Variants in TOX observed in about 807,000 individuals in gnomAD.
TOX encodes the protein thymocyte selection associated high mobility group box, also known as thymocyte selection-associated high mobility group box protein TOX.
A neutral mutation model predicts 53.7 loss-of-function variants in TOX; 11 were observed. The observed-to-expected ratio is 0.20, with a 90% CI of 0.13 to 0.34. The LOEUF (loss-of-function observed/expected upper bound fraction) is 0.34. Ranked by LOEUF, TOX falls within the 10% of genes least tolerant of loss-of-function variation. The pLI, the probability that TOX is intolerant of heterozygous loss-of-function variation, is 1.00. For synonymous variants in TOX, 225 were observed against 245.3 expected, an observed-to-expected ratio of 0.92 and a Z score of 0.77; for missense variants, 570 against 664.6, an observed-to-expected ratio of 0.86 and a Z score of 1.56.
At chr8:58,926,516 C>A (rs1258519834) in intron 3 of TOX, among the ~76,000 whole-genome samples, 3 of 152,138 alleles carry the variant, frequency 2.0e-5, no homozygotes, top group Non-Finnish European at 4.4e-5. Flanking sequence ...ATAGAATATG[C>A]AGTTTTGAGA....
intron 1 of TOX, among the ~76,000 whole-genome samples, chr8:58,994,109 C>G (rs775010275): frequency 6.6e-6 from 1 of 152,146 alleles, no homozygotes; most frequent in Admixed American, 6.5e-5. Context: ...TGGAAATAGC[C>G]TTCTTTCTTT....
intron 8 of TOX, 24 bp downstream of exon 8, chr8:58,808,094 A>G: frequency 6.2e-7 from 1 of 1,600,990 alleles, no homozygotes; most frequent in Non-Finnish European, 8.5e-7. Context: ...GTCCACCACC[A>G]GGTGGCGATG....
chr8:58,998,534 T>TAAA (rs1450253677), intron 1 of TOX, among the ~76,000 whole-genome samples: 4 of 18,352 alleles, frequency 2.2e-4, no homozygotes, highest in Non-Finnish European at 3.5e-4. Flanking sequence ...TATATATATA[T>TAAA]ATATAAATTT....
chr8:58,945,101 C>A (rs180695434), intron 2 of TOX, among the ~76,000 whole-genome samples: 37 of 152,316 alleles, frequency 2.4e-4, no homozygotes, highest in Admixed American at 3.9e-4. Context: ...AGAGGCCCAA[C>A]AACTTTGCTC....
chr8:59,091,020 T>C (rs1804598890), intron 1 of TOX, among the ~76,000 whole-genome samples: 1 of 152,166 alleles, frequency 6.6e-6, no homozygotes, highest in Non-Finnish European at 1.5e-5. Context: ...TCCAGCGGCG[T>C]TGTCCTCTCA....
At chr8:58,879,118 G>A (rs1811339559) in intron 3 of TOX, among the ~76,000 whole-genome samples, 1 of 151,374 alleles carries the variant, frequency 6.6e-6, no homozygotes, top group Non-Finnish European at 1.5e-5. Context: ...TTGAATAAGG[G>A]CAACAGAAGG....
At chr8:59,017,632 T>A (rs752718553) in intron 1 of TOX, among the ~76,000 whole-genome samples, 1 of 152,206 alleles carries the variant, frequency 6.6e-6, no homozygotes, top group Non-Finnish European at 1.5e-5. Context: ...GTAAAAGGAA[T>A]AAACAAGAAC....
intron 5 of TOX, among the ~76,000 whole-genome samples, chr8:58,834,307 C>T (rs773943843): frequency 6.6e-6 from 1 of 152,104 alleles, no homozygotes; most frequent in Non-Finnish European, 1.5e-5. Context: ...AAATCTTAGC[C>T]TTCCACCGGA....
At chr8:58,906,983 G>A (rs531498257) in intron 3 of TOX, among the ~76,000 whole-genome samples, 7 of 152,332 alleles carry the variant, frequency 4.6e-5, no homozygotes, top group Non-Finnish European at 1.0e-4. Flanking sequence ...AGCACTGAAA[G>A]TCTAAATCTC....
chr8:58,826,723 G>T, intron 6 of TOX, 99 bp downstream of exon 6: 2 of 993,852 alleles, frequency 2.0e-6, no homozygotes, highest in Non-Finnish European at 2.9e-6. Flanking sequence ...AGAAGATTGT[G>T]CAGAATCGTT....
At chr8:59,014,846 T>C (rs775471251) in intron 1 of TOX, among the ~76,000 whole-genome samples, 1 of 152,204 alleles carries the variant, frequency 6.6e-6, no homozygotes, top group Admixed American at 6.5e-5. Flanking sequence ...AAATTAGTAA[T>C]ACTATGGTTA....
At chr8:58,835,920 A>C (rs1180224755) in intron 5 of TOX, among the ~76,000 whole-genome samples, 1 of 152,194 alleles carries the variant, frequency 6.6e-6, no homozygotes, top group Non-Finnish European at 1.5e-5. Flanking sequence ...TCAGTCACTA[A>C]GTCTTAGGTA....
Position 59,026,854 on chromosome 8 carries a change from C to A in TOX, c.103-66846G>T, listed in dbSNP as rs142130003. On this transcript the variant is annotated intron_variant, in intron 1 of 8. Coordinates refer to ENST00000361421, the MANE Select transcript of TOX (RefSeq NM_014729.3). ...GCAAAATTTTCATAAGAGCATGAGA[C>A]AATTTAATACATTTATAGAATTCTT... is the stretch of plus-strand genomic sequence containing the variant. Among the ~76,000 whole-genome samples, 772 of 129,452 alleles carry A rather than the reference C, an allele frequency of 6.0e-3. 9 individuals are homozygous for A. Among genetic ancestry groups the A allele is most frequent in the African/African-American group, 0.021 (726 of 34,210 alleles). The allele number at this position is 129,452 out of a possible 152,430, so 84.9% of individuals were successfully genotyped here. A position where few individuals can be genotyped will look rare whatever the true frequency, so the allele number is the denominator to read the frequency against.
chr8:58,824,413 T>C (rs1474908844), intron 6 of TOX, among the ~76,000 whole-genome samples: 2 of 152,202 alleles, frequency 1.3e-5, no homozygotes, highest in African/African-American at 4.8e-5. Flanking sequence ...CCTTCAGGAT[T>C]GGGCTCCTGC....
Position 59,118,102 on chromosome 8 carries a change from C to T in TOX, c.102+784G>A, listed in dbSNP as rs557448478. 2.0e-4 allele frequency among the ~76,000 whole-genome samples: 31 copies of T among 152,346 alleles called. 1 individual carries two copies. Among genetic ancestry groups the T allele is most frequent in the African/African-American group, 7.5e-4 (31 of 41,586 alleles). ...CATGATCCGCCTCTCCCCGGGCCCC[C>T]GCGGCCCTGGCACCCGAGGTCAGCG... On this transcript the variant is annotated intron_variant, in intron 1 of 8. Transcript: ENST00000361421. This position sits in a 1 kb window ranked among gnomAD's most constrained non-coding sequence, Gnocchi z 4.1.
At chr8:58,850,759 A>C (rs909819614) in intron 4 of TOX, among the ~76,000 whole-genome samples, 2 of 152,258 alleles carry the variant, frequency 1.3e-5, no homozygotes, top group African/African-American at 4.8e-5. Context: ...AGGCTAAATA[A>C]ATCGATGAAT....
intron 3 of TOX, among the ~76,000 whole-genome samples, chr8:58,938,724 TGGGAATTCATA>T (rs1342454356): frequency 6.6e-6 from 1 of 152,220 alleles, no homozygotes; most frequent in Admixed American, 6.5e-5. Context: ...GAAAAATTAA[TGGGAATTCATA>T]GTGTTGTCAT....
chr8:59,100,542 T>C (rs573739203), intron 1 of TOX, among the ~76,000 whole-genome samples: 21 of 152,214 alleles, frequency 1.4e-4, no homozygotes, highest in Non-Finnish European at 2.6e-4. Context: ...TCTGGTTCCA[T>C]ACCATATTAG....
At chr8:58,934,307 G>A (rs570293903) in intron 3 of TOX, among the ~76,000 whole-genome samples, 17 of 152,128 alleles carry the variant, frequency 1.1e-4, no homozygotes, top group Non-Finnish European at 2.2e-4. Context: ...CAAAAAAGTG[G>A]TGGGAAATTT....
Sources: gnomAD v4.1 joint callset for allele counts (sites outside exome capture counted in the v4.1 genomes callset) on GRCh38, gnomAD v4.1.1 for gene constraint, Gnocchi (gnomAD v3.1) non-coding constraint, MANE v1.5 for transcripts, NCBI Gene and HGNC (gene_info 2026-07-23, HGNC 2026-07-21) for gene names.